The following CNTN6 variants were observed in gnomAD, a reference collection of about 807,000 sequenced individuals.
CNTN6 encodes contactin-6.
A neutral mutation model predicts 122.8 loss-of-function variants in CNTN6; 137 were observed. That is an observed-to-expected ratio of 1.12 (90% confidence interval 0.97 to 1.29). CNTN6 has a LOEUF of 1.29. CNTN6 is among the 50% of genes most tolerant of loss of function. CNTN6 has a pLI of 0.00. For synonymous variants in CNTN6, 570 were observed against 426.0 expected (o/e 1.34, Z -4.16); for missense variants, 1,634 against 1,223.4 (o/e 1.34, Z -5.01).
intron 16 of CNTN6, among the ~76,000 whole-genome samples, chr3:1,375,972 A>C (rs968482548): frequency 1.4e-4 from 22 of 152,080 alleles, no homozygotes; most frequent in African/African-American, 5.3e-4. Flanking sequence ...ATGAGGAATT[A>C]AAACTTACAT....
intron 2 of CNTN6, among the ~76,000 whole-genome samples, chr3:1,189,115 G>A (rs893759761): frequency 6.6e-6 from 1 of 152,182 alleles, no homozygotes; most frequent in Admixed American, 6.5e-5. Flanking sequence ...GCTACAAAGT[G>A]TAGCTAGAAT....
chr3:1,243,232 G>T (rs539997258), intron 4 of CNTN6, among the ~76,000 whole-genome samples: 8 of 152,176 alleles, frequency 5.3e-5, no homozygotes, highest in Non-Finnish European at 8.8e-5. Context: ...TGAGCTGCGG[G>T]CATTCCTTGG....
chr3:1,280,387 T>A (rs3821434), intron 5 of CNTN6, among the ~76,000 whole-genome samples: 86,312 of 149,474 alleles, frequency 0.58, 26,005 homozygotes, highest in Non-Finnish European at 0.66. Context: ...TTACAAAAAC[T>A]GCCTTAAATT....
At chr3:1,367,119 A>G (rs1708340569) in intron 12 of CNTN6, among the ~76,000 whole-genome samples, 1 of 152,166 alleles carries the variant, frequency 6.6e-6, no homozygotes, top group African/African-American at 2.4e-5. Flanking sequence ...GATTAAATCA[A>G]GCTAGTTAAC....
At chr3:1,104,319 A>G (rs1228579796) in intron 1 of CNTN6, among the ~76,000 whole-genome samples, 2 of 152,122 alleles carry the variant, frequency 1.3e-5, no homozygotes, top group Non-Finnish European at 2.9e-5. Context: ...AGAAACATAT[A>G]TTTACTAAGA....
rs192739291 is a variant in CNTN6 at position 1,271,463 on chromosome 3, T to C, written c.359-6950T>C. On this transcript the variant is annotated intron_variant, in intron 4 of 22. Coordinates refer to ENST00000446702, the MANE Select transcript of CNTN6 (RefSeq NM_001289080.2). ...GGTGTTCGAGCTGCATATGAATATA[T>C]CAGTAAGGCTGACACAGGCTCAAAA... Among the ~76,000 whole-genome samples, 3 of 152,248 alleles carry C rather than the reference T, an allele frequency of 2.0e-5. No individual in the cohort carries two copies. In the East Asian group the frequency reaches 5.8e-4, roughly 29 times the overall value.
At chr3:1,205,561 A>G (rs1021028733) in intron 2 of CNTN6, among the ~76,000 whole-genome samples, 2 of 152,110 alleles carry the variant, frequency 1.3e-5, no homozygotes, top group African/African-American at 4.8e-5. Flanking sequence ...TCTTTCCCCA[A>G]CCAGATTCCT....
At chr3:1,199,578 T>C (rs2093830592) in intron 2 of CNTN6, among the ~76,000 whole-genome samples, 1 of 151,316 alleles carries the variant, frequency 6.6e-6, no homozygotes, top group African/African-American at 2.4e-5. Context: ...ATTTGAAATG[T>C]AAAAAAAAAT....
intron 2 of CNTN6, among the ~76,000 whole-genome samples, chr3:1,199,785 G>C (rs185063012): frequency 6.9e-4 from 105 of 152,192 alleles, no homozygotes; most frequent in Non-Finnish European, 1.3e-4. Flanking sequence ...ATTATCACTT[G>C]TGTTCTTGTC....
At chr3:1,378,747 C>A (rs1360575340) in intron 17 of CNTN6, among the ~76,000 whole-genome samples, 1 of 152,124 alleles carries the variant, frequency 6.6e-6, no homozygotes, top group Non-Finnish European at 1.5e-5. Flanking sequence ...AAAGTGACAT[C>A]ATTGGGCAGA....
chr3:1,242,016 G>T (rs1219375304), intron 4 of CNTN6, among the ~76,000 whole-genome samples: 1 of 152,244 alleles, frequency 6.6e-6, no homozygotes, highest in Non-Finnish European at 1.5e-5. Context: ...GGAAGGAAAG[G>T]AGTTGTTGTT....
chr3:1,312,665 C>T (rs1028100894), intron 7 of CNTN6, among the ~76,000 whole-genome samples: 11 of 150,296 alleles, frequency 7.3e-5, no homozygotes, highest in Non-Finnish European at 1.2e-4. Flanking sequence ...ACATTAGTTC[C>T]TTAGGTGAAG....
At chr3:1,159,299 G>A (rs968943162) in intron 2 of CNTN6, among the ~76,000 whole-genome samples, 71 of 152,032 alleles carry the variant, frequency 4.7e-4, no homozygotes, top group African/African-American at 1.7e-3. Context: ...CAGCTACTAA[G>A]TGATTAAAGG....
intron 5 of CNTN6, among the ~76,000 whole-genome samples, chr3:1,282,331 A>C (rs573996204): frequency 1.3e-5 from 2 of 152,340 alleles, no homozygotes; most frequent in African/African-American, 4.8e-5. Flanking sequence ...TTTTACACGG[A>C]AAGGTTATTC....
In CNTN6 at chr3:1,385,638, G is replaced by T. The variant is rs1176820262; in HGVS notation, c.2545G>T (p.Glu849Ter). The change falls in exon 20 of 23, where the codon GAA (glutamate) becomes TAA (stop). Residue 849 changes from glutamate to a stop codon, truncating the protein, a stop_gained. Transcript: ENST00000446702. LOFTEE classifies it high-confidence loss of function. ...CTTATACTGGACAGATGACTCCAAA[G>T]AATCCATGATAGGTAAAATTAGAGT... ...EVLYWTDDSK[E>*]SMIGKIRVSG... 1 of 1,613,884 alleles carries T rather than the reference G, an allele frequency of 6.2e-7. No individual in the cohort carries two copies. Among genetic ancestry groups the T allele is most frequent in the Non-Finnish European group, 8.5e-7 (1 of 1,179,832 alleles).
At chr3:1,397,366 G>C (rs182433754) in intron 20 of CNTN6, among the ~76,000 whole-genome samples, 81 of 152,180 alleles carry the variant, frequency 5.3e-4, no homozygotes, top group Middle Eastern at 6.8e-3. Flanking sequence ...AGGAGTTAAA[G>C]GACAAAAGAA....
At chr3:1,278,251 GATA>G (rs1296198729) in intron 4 of CNTN6, among the ~76,000 whole-genome samples, 159 bp from the exon 5 acceptor site, 3 of 152,312 alleles carry the variant, frequency 2.0e-5, no homozygotes, top group Non-Finnish European at 2.9e-5. Context: ...GATTTTGCAA[GATA>G]ATAATAAGTG....
At chr3:1,281,983 T>C (rs898466133) in intron 5 of CNTN6, among the ~76,000 whole-genome samples, 30 of 149,906 alleles carry the variant, frequency 2.0e-4, no homozygotes, top group African/African-American at 7.3e-4. Context: ...TATATAGGTA[T>C]ACACACACAC....
chr3:1,240,166 T>C (rs954676630), intron 4 of CNTN6, among the ~76,000 whole-genome samples: 1 of 151,810 alleles, frequency 6.6e-6, no homozygotes, highest in African/African-American at 2.4e-5. Flanking sequence ...CAAAGATAAA[T>C]ACATGGGACT....
Sources: gnomAD v4.1 joint callset for allele counts (sites outside exome capture counted in the v4.1 genomes callset) on GRCh38, gnomAD v4.1.1 for gene constraint, MANE v1.5 for transcripts, NCBI Gene and HGNC (gene_info 2026-07-23, HGNC 2026-07-21) for gene names.